Variants in KANSL1L observed in about 807,000 individuals in gnomAD.
The protein encoded by KANSL1L is KAT8 regulatory NSL complex subunit 1-like protein.
A neutral mutation model predicts 108.6 loss-of-function variants in KANSL1L; 25 were observed. The ratio of observed to expected loss-of-function variants is 0.23; its 90% CI spans 0.17 to 0.32. The LOEUF is 0.32. KANSL1L is among the 10% of genes least tolerant of loss of function. The pLI, the probability that KANSL1L is intolerant of heterozygous loss-of-function variation, is 1.00. For synonymous variants in KANSL1L, 405 were observed against 395.1 expected (o/e 1.03, Z -0.30); for missense variants, 1,137 against 1,125.7 (o/e 1.01, Z -0.14).
intron 2 of KANSL1L, chr2:210,152,967 T>G (rs1214411725): frequency 1.3e-5 from 2 of 152,240 alleles, no homozygotes; most frequent in African/African-American, 4.8e-5. Context: ...ATAGAAAAGT[T>G]GAGTAAATTT....
chr2:210,033,668 T>C, intron 8 of KANSL1L, among the ~76,000 whole-genome samples: 1 of 150,574 alleles, frequency 6.6e-6, no homozygotes, highest in African/African-American at 2.4e-5. Flanking sequence ...TAGCTGGGAC[T>C]ACAGGTGGCT....
chr2:210,153,334 A>G, intron 2 of KANSL1L, 161 bp downstream of exon 2: 1 of 590,298 alleles, frequency 1.7e-6, no homozygotes, highest in South Asian at 2.5e-5. Context: ...AGCCTGGGCG[A>G]CAGAGCGAGA....
At chr2:210,042,460 T>A (rs1468565655) in intron 7 of KANSL1L, among the ~76,000 whole-genome samples, 5 of 152,134 alleles carry the variant, frequency 3.3e-5, no homozygotes, top group African/African-American at 4.8e-5. Flanking sequence ...ATCAGAGAAA[T>A]ATATTTGCTA....
At chr2:210,083,310 C>T (rs372914601) in intron 5 of KANSL1L, among the ~76,000 whole-genome samples, 2 of 152,200 alleles carry the variant, frequency 1.3e-5, no homozygotes, top group East Asian at 1.9e-4. Context: ...TAAAATACAG[C>T]GGCCCTAGGA....
chr2:210,056,425 T>C (rs1245689204), intron 6 of KANSL1L, among the ~76,000 whole-genome samples: 1 of 152,236 alleles, frequency 6.6e-6, no homozygotes, highest in Non-Finnish European at 1.5e-5. Flanking sequence ...AATCACCGAA[T>C]CATTATCATC....
intron 4 of KANSL1L, among the ~76,000 whole-genome samples, chr2:210,102,856 T>G (rs545338149): frequency 9.3e-4 from 141 of 152,320 alleles, no homozygotes; most frequent in Non-Finnish European, 1.3e-3. Context: ...GGAACACTTT[T>G]ACACTGCTGG....
intron 2 of KANSL1L, among the ~76,000 whole-genome samples, chr2:210,149,044 G>A (rs965581740): frequency 6.6e-6 from 1 of 151,978 alleles, no homozygotes; most frequent in African/African-American, 2.4e-5. Flanking sequence ...GAACATTCAT[G>A]GGGGGAGGGG....
intron 5 of KANSL1L, among the ~76,000 whole-genome samples, chr2:210,092,832 A>G (rs1203417484): frequency 2.0e-5 from 3 of 152,210 alleles, no homozygotes; most frequent in Non-Finnish European, 2.9e-5. Context: ...ACTTAAAACT[A>G]GGGATCTCTT....
At chr2:210,062,523 G>T (rs1205830167) in intron 6 of KANSL1L, among the ~76,000 whole-genome samples, 1 of 152,132 alleles carries the variant, frequency 6.6e-6, no homozygotes, top group Non-Finnish European at 1.5e-5. Flanking sequence ...GGAAAGTTTG[G>T]AACTCCCTAG....
At chr2:210,124,184 C>T (rs527892779) in intron 3 of KANSL1L, among the ~76,000 whole-genome samples, 3 of 152,172 alleles carry the variant, frequency 2.0e-5, no homozygotes, top group South Asian at 2.1e-4. Context: ...GAACATTCTA[C>T]CCAACAACAA....
At chr2:210,045,005 G>C (rs926766022) in intron 6 of KANSL1L, among the ~76,000 whole-genome samples, 21 of 152,136 alleles carry the variant, frequency 1.4e-4, no homozygotes, top group African/African-American at 3.9e-4. Context: ...CTGACCTCAA[G>C]TGATTCAGCC....
At chr2:210,098,303 C>T (rs1438066393) in intron 4 of KANSL1L, 96 bp from the exon 5 acceptor site, 1 of 1,077,780 alleles carries the variant, frequency 9.3e-7, no homozygotes, top group Non-Finnish European at 1.3e-6. Flanking sequence ...CTTCTCATGA[C>T]ACACATGTTT....
At chr2:210,139,343 T>C (rs2095205784) in intron 2 of KANSL1L, among the ~76,000 whole-genome samples, 3 of 152,202 alleles carry the variant, frequency 2.0e-5, no homozygotes. Flanking sequence ...TTGCATACTT[T>C]GGCCACTGTA....
At chr2:210,103,404 G>GCA (rs2094815345) in intron 4 of KANSL1L, among the ~76,000 whole-genome samples, 1 of 152,082 alleles carries the variant, frequency 6.6e-6, no homozygotes, top group Non-Finnish European at 1.5e-5. Context: ...CACCAACATG[G>GCA]CACATGTATA....
At chr2:210,087,127 C>G (rs936930839) in intron 5 of KANSL1L, among the ~76,000 whole-genome samples, 2 of 151,812 alleles carry the variant, frequency 1.3e-5, no homozygotes, top group Non-Finnish European at 2.9e-5. Context: ...CTCCTGGGAC[C>G]AAGCAATCCT....
chr2:210,126,555 C>A (rs1207996814), intron 3 of KANSL1L, among the ~76,000 whole-genome samples: 1 of 151,394 alleles, frequency 6.6e-6, no homozygotes, highest in African/African-American at 2.4e-5. Flanking sequence ...TGGCCCACAC[C>A]TGTAATCCCA....
chr2:210,116,793 C>T (rs2094959519), intron 3 of KANSL1L, among the ~76,000 whole-genome samples: 1 of 152,050 alleles, frequency 6.6e-6, no homozygotes, highest in African/African-American at 2.4e-5. Flanking sequence ...AGTGCAGATG[C>T]AAAGACTAAT....
chr2:210,100,620 C>T (rs1291624276), intron 4 of KANSL1L, among the ~76,000 whole-genome samples: 3 of 152,134 alleles, frequency 2.0e-5, no homozygotes, highest in African/African-American at 7.2e-5. Context: ...TAACTCACTC[C>T]TAGACTATCT....
chr2:210,095,362 C>G (rs1438508776), intron 5 of KANSL1L, among the ~76,000 whole-genome samples: 1 of 152,010 alleles, frequency 6.6e-6, no homozygotes, highest in Non-Finnish European at 1.5e-5. Flanking sequence ...CTAATTCACT[C>G]TTACCTCTTT....
Sources: allele counts gnomAD v4.1 joint callset (sites outside exome capture counted in the v4.1 genomes callset), GRCh38; gene constraint gnomAD v4.1.1; transcripts MANE v1.5; gene names NCBI Gene and HGNC (gene_info 2026-07-23, HGNC 2026-07-21).